FREM2: variants seen among roughly 807,000 people sequenced by gnomAD.
FREM2 encodes FRAS1-related extracellular matrix protein 2.
Under a neutral mutation model 219.9 loss-of-function variants are expected in FREM2, and 119 were observed. That is an observed-to-expected ratio of 0.54 (90% CI 0.47 to 0.63). The LOEUF is 0.63. Ranked by LOEUF, FREM2 falls within the 30% of genes least tolerant of loss-of-function variation. FREM2 has a pLI of 0.00. For synonymous variants in FREM2, 1,562 were observed against 1,522.8 expected (o/e 1.03, Z -0.60); for missense variants, 4,030 against 3,993.6 (o/e 1.01, Z -0.25).
intron 2 of FREM2, among the ~76,000 whole-genome samples, chr13:38,763,676 G>T (rs577193116): frequency 6.6e-6 from 1 of 152,100 alleles, no homozygotes; most frequent in South Asian, 2.1e-4. Flanking sequence ...TTTATTTTCT[G>T]CTGATAGGCA....
intron 3 of FREM2, among the ~76,000 whole-genome samples, chr13:38,768,933 A>G (rs913942159): frequency 6.6e-6 from 1 of 152,204 alleles, no homozygotes; most frequent in African/African-American, 2.4e-5. Context: ...CATAATAACC[A>G]TATATATTTA....
At chr13:38,853,037 G>C (rs1424533343) in intron 11 of FREM2, among the ~76,000 whole-genome samples, 6 of 151,860 alleles carry the variant, frequency 4.0e-5, no homozygotes, top group African/African-American at 1.2e-4. Flanking sequence ...ATTAAAACAA[G>C]TCAGTTCTGG....
chr13:38,851,590 A>G, intron 10 of FREM2, 96 bp from the exon 11 acceptor site: 1 of 977,188 alleles, frequency 1.0e-6, no homozygotes, highest in Non-Finnish European at 1.6e-6. Flanking sequence ...TGTAATAGTC[A>G]TTTATCCCCT....
At chr13:38,773,842 A>G (rs1270420161) in intron 4 of FREM2, among the ~76,000 whole-genome samples, 2 of 152,064 alleles carry the variant, frequency 1.3e-5, no homozygotes, top group Admixed American at 6.6e-5. Flanking sequence ...TTGAAAACTT[A>G]CCTCATTTAA....
chr13:38,758,785 A>G (rs549602082), intron 2 of FREM2, among the ~76,000 whole-genome samples: 6 of 152,192 alleles, frequency 3.9e-5, no homozygotes, highest in Non-Finnish European at 7.4e-5. Context: ...CACCATAATC[A>G]CTAGCATTGA....
intron 6 of FREM2, among the ~76,000 whole-genome samples, chr13:38,828,178 A>G (rs893452054): frequency 7.2e-5 from 11 of 152,058 alleles, no homozygotes; most frequent in African/African-American, 2.2e-4. Context: ...TTCCTTTTCA[A>G]TTATTGGTTA....
intron 11 of FREM2, among the ~76,000 whole-genome samples, chr13:38,854,995 T>A (rs1877502581): frequency 6.6e-6 from 1 of 152,208 alleles, no homozygotes; most frequent in South Asian, 2.1e-4. Flanking sequence ...TGAAACGGTA[T>A]CTTAAAAGGT....
At chr13:38,752,829 G>A (rs894579515) in intron 2 of FREM2, among the ~76,000 whole-genome samples, 2 of 152,144 alleles carry the variant, frequency 1.3e-5, no homozygotes, top group African/African-American at 4.8e-5. Flanking sequence ...ACTAAATGGT[G>A]CTAAACCGGT....
intron 6 of FREM2, among the ~76,000 whole-genome samples, chr13:38,809,812 G>C (rs779630108): frequency 3.9e-5 from 6 of 151,956 alleles, no homozygotes; most frequent in Non-Finnish European, 8.8e-5. Flanking sequence ...TAGCTATTCT[G>C]GGTCTTTTGT....
intron 2 of FREM2, among the ~76,000 whole-genome samples, chr13:38,711,889 G>T (rs1245603282): frequency 6.8e-6 from 1 of 147,058 alleles, no homozygotes; most frequent in African/African-American, 2.5e-5. Context: ...GGCTTATCTT[G>T]TGGGTCTCTG....
intron 4 of FREM2, 126 bp from the exon 5 acceptor site, chr13:38,782,940 CCACT>C (rs1874173105): frequency 2.7e-6 from 3 of 1,115,404 alleles, no homozygotes; most frequent in South Asian, 2.5e-5. Context: ...CCTTTTCCTC[CCACT>C]ATGTTATTCT....
chr13:38,728,317 A>G (rs988381523), intron 2 of FREM2, among the ~76,000 whole-genome samples: 2 of 152,180 alleles, frequency 1.3e-5, no homozygotes. Context: ...TGAGTATACA[A>G]TGAGCGTGAG....
intron 6 of FREM2, among the ~76,000 whole-genome samples, chr13:38,786,209 C>CCATCTTT (rs1199015077): frequency 5.3e-5 from 8 of 152,158 alleles, no homozygotes; most frequent in African/African-American, 1.7e-4. Context: ...CCCATATCCC[C>CCATCTTT]CATCTTTCCT....
rs1304703119 is a variant in FREM2, at chr13:38,809,325, CAGGT to C, written c.6019+24519_6019+24522del. 2.7e-5 allele frequency among the ~76,000 whole-genome samples: 4 copies of C among 150,748 alleles called. No homozygotes were observed. The East Asian group carries it at 7.8e-4, about 29-fold the overall frequency. ...ATTTTCTTTTTTTTTTAAATTTTTG[CAGGT>C]ACGTAGTAGGTGTATATATTTTTGT... On this transcript the variant is annotated intron_variant, in intron 6 of 23. Coordinates refer to ENST00000280481, the MANE Select transcript of FREM2 (RefSeq NM_207361.6).
At chr13:38,863,110 C>T (rs1009464476) in intron 15 of FREM2, among the ~76,000 whole-genome samples, 13 of 151,996 alleles carry the variant, frequency 8.6e-5, no homozygotes, top group African/African-American at 1.7e-4. Context: ...AGTGCAGTAG[C>T]GCGATCTCAG....
intron 2 of FREM2, among the ~76,000 whole-genome samples, chr13:38,723,982 C>A (rs776236890): frequency 6.6e-6 from 1 of 152,162 alleles, no homozygotes. Context: ...CTCTGCAGCC[C>A]GTGTTCTTAC....
intron 2 of FREM2, among the ~76,000 whole-genome samples, chr13:38,717,411 A>ATTTTT (rs1871050266): frequency 2.2e-5 from 1 of 46,070 alleles, no homozygotes. Context: ...TTACATAAGT[A>ATTTTT]CTTTTTTTTT....
intron 12 of FREM2, among the ~76,000 whole-genome samples, chr13:38,856,775 T>TTTTTTTTTTTGAGACGGA (rs1216873074): frequency 6.6e-6 from 1 of 151,666 alleles, no homozygotes; most frequent in African/African-American, 2.4e-5. Flanking sequence ...TAATTTATAT[T>TTTTTTTTTTTGAGACGGA]GTCTCACTAA....
chr13:38,710,543 G>A (rs931069989), intron 2 of FREM2, among the ~76,000 whole-genome samples: 4 of 152,088 alleles, frequency 2.6e-5, no homozygotes, highest in Non-Finnish European at 5.9e-5. Context: ...AGCCCTAAAT[G>A]TACCACTCTG....
Sources: allele counts gnomAD v4.1 joint callset (sites outside exome capture counted in the v4.1 genomes callset), GRCh38; gene constraint gnomAD v4.1.1; transcripts MANE v1.5; gene names NCBI Gene and HGNC (gene_info 2026-07-23, HGNC 2026-07-21).